Variants in FRMPD4 observed in about 807,000 individuals in gnomAD.
The protein encoded by FRMPD4 is FERM and PDZ domain-containing protein 4.
FRMPD4 carries 22 observed loss-of-function variants against 94.1 expected under a neutral mutation model. That is an observed-to-expected ratio of 0.23 (90% confidence interval 0.17 to 0.33). The LOEUF (loss-of-function observed/expected upper bound fraction) is 0.33, where lower values mean the gene tolerates loss of function less well. Ranked by LOEUF, FRMPD4 falls within the 10% of genes least tolerant of loss-of-function variation. The pLI, the probability that FRMPD4 is intolerant of heterozygous loss-of-function variation, is 1.00. For synonymous variants in FRMPD4, 631 were observed against 548.6 expected (o/e 1.15, Z -2.10); for missense variants, 1,111 against 1,339.9 (o/e 0.83, Z 2.67).
At chrX:12,648,902 A>C (rs948336272) in intron 4 of FRMPD4, among the ~76,000 whole-genome samples, 3 of 112,361 alleles carry the variant, frequency 2.7e-5, no homozygotes, top group African/African-American at 9.7e-5. Context: ...CCATTTCCTC[A>C]TGTAAAAAGT....
At chrX:11,929,606 C>T (rs1224094777) in intron 3 of FRMPD4, among the ~76,000 whole-genome samples, 7 of 112,454 alleles carry the variant, frequency 6.2e-5, no homozygotes, top group Non-Finnish European at 1.1e-4. Flanking sequence ...CTTAACCTGA[C>T]TGGTTCAGTG....
At chrX:12,656,247 C>T (rs190678660) in intron 4 of FRMPD4, among the ~76,000 whole-genome samples, 1 of 112,075 alleles carries the variant, frequency 8.9e-6, no homozygotes, top group African/African-American at 3.2e-5. Context: ...GTTAGAGATG[C>T]ACATGTAATA....
intron 2 of FRMPD4, among the ~76,000 whole-genome samples, chrX:12,519,878 T>C (rs1416555810): frequency 8.9e-6 from 1 of 111,876 alleles, no homozygotes; most frequent in Non-Finnish European, 1.9e-5. Context: ...ATAGCTACTC[T>C]CATAAAAAGA....
At chrX:12,678,976 C>T (rs767331949) in intron 5 of FRMPD4, among the ~76,000 whole-genome samples, 63 of 112,647 alleles carry the variant, frequency 5.6e-4, no homozygotes, top group African/African-American at 1.6e-3. Flanking sequence ...CTGAGGGACC[C>T]GCTTTCCTGC....
intron 3 of FRMPD4, among the ~76,000 whole-genome samples, chrX:12,114,356 A>G (rs1601947983): frequency 9.0e-6 from 1 of 111,472 alleles, no homozygotes; most frequent in African/African-American, 3.3e-5. Flanking sequence ...ATGTTTTGTA[A>G]TAAGTCTCAT....
chrX:12,158,655 A>T (rs1002693920), intron 1 of FRMPD4, among the ~76,000 whole-genome samples: 1 of 111,995 alleles, frequency 8.9e-6, no homozygotes, highest in Non-Finnish European at 1.9e-5. Flanking sequence ...AGTCATGTTT[A>T]TTAGACACAT....
intron 4 of FRMPD4, among the ~76,000 whole-genome samples, chrX:12,649,296 C>G (rs748325188): frequency 1.5e-4 from 17 of 112,138 alleles, no homozygotes; most frequent in African/African-American, 5.5e-4. Context: ...GGGCTAGCCT[C>G]TCCTCTGTGT....
chrX:12,333,686 A>G (rs2055469311), intron 1 of FRMPD4, among the ~76,000 whole-genome samples: 1 of 112,011 alleles, frequency 8.9e-6, no homozygotes, highest in South Asian at 3.7e-4. Context: ...AAAGATTAGA[A>G]TCATGATCTT....
intron 1 of FRMPD4, among the ~76,000 whole-genome samples, chrX:12,180,699 A>G (rs1188049922): frequency 3.6e-5 from 4 of 112,623 alleles, no homozygotes; most frequent in East Asian, 2.8e-4. Context: ...CATGTAACAA[A>G]TATTTTTGAC....
intron 2 of FRMPD4, among the ~76,000 whole-genome samples, chrX:12,499,039 G>A (rs1014208910): frequency 3.6e-5 from 4 of 110,330 alleles, no homozygotes; most frequent in Non-Finnish European, 7.6e-5. Flanking sequence ...CACCATCTTC[G>A]AATGACAAGT....
intron 1 of FRMPD4, among the ~76,000 whole-genome samples, chrX:12,294,146 C>T (rs1014993666): frequency 8.1e-5 from 9 of 111,314 alleles, no homozygotes; most frequent in Non-Finnish European, 1.1e-4. Context: ...TGCAAGGAGG[C>T]GTCGTTTGGG....
At chrX:12,166,767 G>T (rs151185313) in intron 1 of FRMPD4, among the ~76,000 whole-genome samples, 1,414 of 111,267 alleles carry the variant, frequency 0.013, 24 homozygotes, top group African/African-American at 0.039. Flanking sequence ...ACTTCTTCTT[G>T]GTTTAGCCTT....
intron 3 of FRMPD4, among the ~76,000 whole-genome samples, chrX:11,954,200 GC>G (rs2054241846): frequency 8.9e-6 from 1 of 112,638 alleles, no homozygotes. Flanking sequence ...ATTGCTAAAT[GC>G]CTCTTTTAGG....
chrX:11,828,526 G>T (rs2053456876), intron 1 of FRMPD4, among the ~76,000 whole-genome samples: 1 of 111,983 alleles, frequency 8.9e-6, no homozygotes, highest in African/African-American at 3.2e-5. Context: ...AATATATTCA[G>T]AACTATACAG....
chrX:11,842,645 T>G lies in FRMPD4; in HGVS notation c.-161+19930T>G, dbSNP rs778344297. On this transcript the variant is annotated intron_variant, in intron 1 of 18. Transcript: ENST00000640291. ...GTTGCTTATCAGCTTAAGGAGATTT[T>G]GGGCTGAGACGATGGGGTTTTCTAG... Among the ~76,000 whole-genome samples the G allele has an allele frequency of 4.8e-3, 403 of 84,252 alleles. 8 individuals carry two copies. The highest frequency in any genetic ancestry group is 7.1e-3 in the Non-Finnish European group (315 of 44,614). The allele number at this position is 84,252 out of a possible 115,157, so 73.2% of individuals were successfully genotyped here.
At chrX:11,844,848 A>G (rs2053564364) in intron 1 of FRMPD4, among the ~76,000 whole-genome samples, 1 of 111,005 alleles carries the variant, frequency 9.0e-6, no homozygotes, top group African/African-American at 3.3e-5. Context: ...TTTACATTTG[A>G]TGTTGTCCCA....
intron 1 of FRMPD4, among the ~76,000 whole-genome samples, chrX:12,399,493 A>G (rs1267898798): frequency 3.6e-5 from 4 of 111,891 alleles, no homozygotes; most frequent in Non-Finnish European, 7.5e-5. Flanking sequence ...GACACCCTCA[A>G]AACTTAAATA....
intron 2 of FRMPD4, among the ~76,000 whole-genome samples, chrX:12,512,063 C>G (rs963512030): frequency 8.9e-6 from 1 of 111,907 alleles, no homozygotes; most frequent in Admixed American, 9.5e-5. Context: ...CCATCAACAC[C>G]GAGGCAAAAT....
chrX:12,562,492 T>A (rs766891468), intron 2 of FRMPD4, among the ~76,000 whole-genome samples: 27 of 112,729 alleles, frequency 2.4e-4, no homozygotes, highest in Admixed American at 1.3e-3. Flanking sequence ...CTTTTCATGA[T>A]CTCTGAGGAA....
Sources: gnomAD v4.1 joint callset for allele counts (sites outside exome capture counted in the v4.1 genomes callset) on GRCh38, gnomAD v4.1.1 for gene constraint, MANE v1.5 for transcripts, NCBI Gene and HGNC (gene_info 2026-07-23, HGNC 2026-07-21) for gene names.